The following PARN variants were observed in gnomAD, a reference collection of about 807,000 sequenced individuals.
PARN encodes poly(A)-specific ribonuclease, also known as poly(A)-specific ribonuclease PARN.
Under a neutral mutation model 102.8 loss-of-function variants are expected in PARN, and 71 were observed. The observed-to-expected ratio is 0.69, with a 90% CI of 0.57 to 0.84. The LOEUF (loss-of-function observed/expected upper bound fraction) is 0.84, where lower values mean the gene tolerates loss of function less well. PARN is among the 40% of genes least tolerant of loss of function. The pLI, the probability that PARN is intolerant of heterozygous loss-of-function variation, is 0.00. For synonymous variants in PARN, 261 were observed against 252.9 expected (o/e 1.03, Z -0.30); for missense variants, 782 against 760.9 (o/e 1.03, Z -0.33).
At chr16:14,608,415 G>A (rs1414259499) in intron 8 of PARN, 96 bp from the exon 9 acceptor site, 2 of 778,144 alleles carry the variant, frequency 2.6e-6, no homozygotes, top group Non-Finnish European at 4.2e-6. Context: ...TTTAAAAAGA[G>A]ACTTCATTAG....
intron 21 of PARN, among the ~76,000 whole-genome samples, chr16:14,484,353 CAGTTT>C (rs1963545156): frequency 6.6e-6 from 1 of 152,192 alleles, no homozygotes; most frequent in Non-Finnish European, 1.5e-5. Context: ...TTCTGGCTTC[CAGTTT>C]AGGCATATGC....
intron 18 of PARN, among the ~76,000 whole-genome samples, chr16:14,562,353 G>A (rs192218433): frequency 2.6e-3 from 390 of 150,842 alleles, no homozygotes; most frequent in Non-Finnish European, 3.9e-3. Context: ...AGCTACTTGG[G>A]AGGCTAAGGC....
intron 21 of PARN, among the ~76,000 whole-genome samples, chr16:14,531,617 A>T (rs1321304380): frequency 1.1e-4 from 16 of 152,164 alleles, no homozygotes; most frequent in Non-Finnish European, 2.4e-4. Flanking sequence ...TACCATGCTT[A>T]AAAATACATA....
In PARN at chr16:14,606,524, T is replaced by C. The variant is rs778046671; in HGVS notation, c.662A>G (p.Tyr221Cys). Residue 221 changes from tyrosine (Y) to cysteine (C), a missense_variant and splice_region_variant, in exon 10 of 24, where the codon TAT (tyrosine) becomes TGT (cysteine). Coordinates refer to ENST00000437198, the MANE Select transcript of PARN (RefSeq NM_002582.4). ...AGTCTCAACATGAATGCCTTTCGGA[T>C]ACCTAAAGAAAAGAAAAACATAGTA... ...KLIYQTLSWKYPKGIHVETLE... is the reference protein window; with the variant it reads ...KLIYQTLSWKCPKGIHVETLE... 5.8e-6 allele frequency: 9 copies of C among 1,564,158 alleles called. No individual in the cohort carries two copies. Among genetic ancestry groups the C allele is most frequent in the East Asian group, 2.3e-5 (1 of 44,380 alleles).
chr16:14,598,073 G>A (rs1178577579), intron 12 of PARN, among the ~76,000 whole-genome samples: 1 of 152,142 alleles, frequency 6.6e-6, no homozygotes, highest in Non-Finnish European at 1.5e-5. Flanking sequence ...GAACCCGAGA[G>A]GCGGAGGTTG....
At chr16:14,568,442 T>TAAA (rs35069693) in intron 18 of PARN, among the ~76,000 whole-genome samples, 2 of 137,002 alleles carry the variant, frequency 1.5e-5, no homozygotes, top group African/African-American at 2.7e-5. Context: ...ATGAAAAACT[T>TAAA]AAAAAAAAAA....
At chr16:14,492,439 G>A (rs566337845) in intron 21 of PARN, among the ~76,000 whole-genome samples, 3 of 152,266 alleles carry the variant, frequency 2.0e-5, no homozygotes, top group East Asian at 1.9e-4. Flanking sequence ...AGATCCCACC[G>A]CCTGGACCCT....
At chr16:14,478,685 C>T (rs1263666040) in intron 22 of PARN, among the ~76,000 whole-genome samples, 1 of 152,150 alleles carries the variant, frequency 6.6e-6, no homozygotes, top group Non-Finnish European at 1.5e-5. Context: ...TAATTGTGCA[C>T]ATAGAAAACC....
intron 21 of PARN, among the ~76,000 whole-genome samples, chr16:14,540,067 G>T (rs573759611): frequency 1.3e-5 from 2 of 152,302 alleles, no homozygotes; most frequent in South Asian, 4.1e-4. Flanking sequence ...TTTGAAGTCT[G>T]CATGGAGTCC....
intron 21 of PARN, among the ~76,000 whole-genome samples, chr16:14,484,058 T>C (rs1283977144): frequency 5.9e-5 from 9 of 152,188 alleles, no homozygotes; most frequent in Admixed American, 2.6e-4. Context: ...CCTCATAACT[T>C]AGCTCCTATG....
intron 18 of PARN, among the ~76,000 whole-genome samples, chr16:14,556,367 C>T (rs925669393): frequency 4.6e-5 from 7 of 151,770 alleles, no homozygotes; most frequent in Non-Finnish European, 8.8e-5. Context: ...CCGATGTTGA[C>T]CAGGCTAGTC....
intron 21 of PARN, among the ~76,000 whole-genome samples, chr16:14,528,440 T>C (rs1966127345): frequency 6.6e-6 from 1 of 152,204 alleles, no homozygotes; most frequent in Non-Finnish European, 1.5e-5. Flanking sequence ...GGTGAAGACC[T>C]GCAAGTCACT....
At chr16:14,523,956 C>A (rs1965868496) in intron 21 of PARN, among the ~76,000 whole-genome samples, 1 of 151,634 alleles carries the variant, frequency 6.6e-6, no homozygotes, top group South Asian at 2.1e-4. Context: ...GGCTACAAAC[C>A]TGCACAGCAT....
At chr16:14,437,758 C>A (rs992118391) in intron 23 of PARN, among the ~76,000 whole-genome samples, 4 of 152,192 alleles carry the variant, frequency 2.6e-5, no homozygotes, top group African/African-American at 9.6e-5. Context: ...GGAGAGAAGT[C>A]TTTGATGATA....
At chr16:14,507,729 A>C (rs1964971643) in intron 21 of PARN, among the ~76,000 whole-genome samples, 2 of 152,210 alleles carry the variant, frequency 1.3e-5, no homozygotes, top group Admixed American at 1.3e-4. Flanking sequence ...TCCCATTTGC[A>C]GCTCTTTCTT....
Position 14,599,905 on chromosome 16 carries a change from G to A in PARN, c.839C>T (p.Ser280Leu), listed in dbSNP as rs774827522. The A allele has an allele frequency of 5.0e-6, 8 of 1,596,202 alleles. No homozygotes were observed. The highest frequency in any genetic ancestry group is 6.8e-6 in the Non-Finnish European group (8 of 1,168,790). The change falls in exon 12 of 24, where the codon TCG becomes TTG. Residue 280 changes from serine to leucine, a missense_variant and splice_region_variant. Transcript: ENST00000437198. ...TGCTAAAAAGTCTGGCTCACTTACC[G>A]AATTAGCAATGGCGTGAATGACTCT... Reference protein sequence around the residue: ...FSRVIHAIANSGKLVIGHNML... With the variant: ...FSRVIHAIANLGKLVIGHNML...
chr16:14,475,632 A>G (rs932672859), intron 22 of PARN, among the ~76,000 whole-genome samples: 14 of 152,240 alleles, frequency 9.2e-5, no homozygotes, highest in Admixed American at 6.5e-5. Context: ...CAGCACTGCT[A>G]ATAGCCACGT....
In PARN at chr16:14,584,434, G is replaced by A. The variant is rs767292858; in HGVS notation, c.1006-12C>T. 6.6e-5 allele frequency: 106 copies of A among 1,606,026 alleles called. 3 individuals are homozygous for A. The South Asian group carries it at 7.3e-4, about 11-fold the overall frequency. ...TTGTTAATGATATCCTGCAAACCACGAAGCAAAGAATTATGAGATTTCATC... is the reference window on the plus strand; with the variant it reads ...TTGTTAATGATATCCTGCAAACCACAAAGCAAAGAATTATGAGATTTCATC... On this transcript the variant is annotated splice_polypyrimidine_tract_variant and intron_variant, in intron 15 of 23. Coordinates refer to ENST00000437198, the MANE Select transcript of PARN (RefSeq NM_002582.4).
At chr16:14,606,000 T>C (rs955816562) in intron 10 of PARN, among the ~76,000 whole-genome samples, 5 of 152,190 alleles carry the variant, frequency 3.3e-5, no homozygotes, top group African/African-American at 9.6e-5. Flanking sequence ...ACCGTTATCA[T>C]GCTCAGTCCC....
Sources: gnomAD v4.1 joint callset for allele counts (sites outside exome capture counted in the v4.1 genomes callset) on GRCh38, gnomAD v4.1.1 for gene constraint, MANE v1.5 for transcripts, NCBI Gene and HGNC (gene_info 2026-07-23, HGNC 2026-07-21) for gene names.